Variants in FAM107A observed in about 807,000 individuals in gnomAD.
FAM107A encodes family with sequence similarity 107 member A.
FAM107A carries 19 observed loss-of-function variants against 13.7 expected under a neutral mutation model. The observed-to-expected ratio is 1.38, with a 90% CI of 0.97 to 2.03. The LOEUF is 2.03. FAM107A is among the 30% of genes most tolerant of loss of function. The probability of loss-of-function intolerance (pLI) is 0.00; values close to 1 mark genes in which losing one functional copy is unlikely to be tolerated. For synonymous variants in FAM107A, 82 were observed against 74.5 expected, an observed-to-expected ratio of 1.10 and a Z score of -0.52; for missense variants, 203 against 184.4, an observed-to-expected ratio of 1.10 and a Z score of -0.58.
intron 1 of FAM107A, among the ~76,000 whole-genome samples, chr3:58,610,070 T>C (rs186567587): frequency 6.6e-6 from 1 of 152,264 alleles, no homozygotes; most frequent in African/African-American, 2.4e-5. Context: ...TGATTTGTAA[T>C]GGACCTGAGG....
intron 1 of FAM107A, among the ~76,000 whole-genome samples, chr3:58,626,073 G>T (rs781143056): frequency 3.9e-5 from 6 of 152,174 alleles, no homozygotes; most frequent in East Asian, 1.9e-4. Context: ...TCATCGCCAC[G>T]GTAGGTGGGT....
rs1376529186 is a variant in FAM107A at position 58,577,345 on chromosome 3, C to G, written c.-42G>C. ...AGTCCTTGGGAAGGGAAGTCAGGAGCGTGTTGCTGGGTTCCTCACTCCACC... is the reference window on the plus strand; with the variant it reads ...AGTCCTTGGGAAGGGAAGTCAGGAGGGTGTTGCTGGGTTCCTCACTCCACC... On this transcript the variant is annotated 5_prime_UTR_variant, in exon 1 of 4. Transcript: ENST00000360997. This position sits in a 1 kb window ranked among gnomAD's most constrained non-coding sequence, Gnocchi z 4.9. The G allele has an allele frequency of 3.0e-6, 3 of 985,380 alleles. No homozygotes were observed. Among genetic ancestry groups the G allele is most frequent in the Non-Finnish European group, 3.6e-6 (3 of 829,924 alleles). The allele number at this position is 985,380 out of a possible 1,614,324, so 61.0% of individuals were successfully genotyped here.
chr3:58,606,723 G>A (rs1035791277), intron 1 of FAM107A, among the ~76,000 whole-genome samples: 2 of 152,336 alleles, frequency 1.3e-5, no homozygotes, highest in Middle Eastern at 3.4e-3. Flanking sequence ...GGACCACAGA[G>A]TACAGGCTAA....
upstream of FAM107A, among the ~76,000 whole-genome samples, chr3:58,590,408 T>C (rs142231322): frequency 2.2e-4 from 34 of 152,370 alleles, no homozygotes; most frequent in East Asian, 6.0e-3. Context: ...CAGGCCTCCA[T>C]GCCACCACCT....
At chr3:58,609,554 G>A (rs2065833351) in intron 1 of FAM107A, among the ~76,000 whole-genome samples, 1 of 152,202 alleles carries the variant, frequency 6.6e-6, no homozygotes, top group Non-Finnish European at 1.5e-5. Context: ...ATCACTTACA[G>A]TCAACAAATA....
At chr3:58,584,228 T>G (rs537791187) in intron 1 of FAM107A, among the ~76,000 whole-genome samples, 1 of 152,214 alleles carries the variant, frequency 6.6e-6, no homozygotes, top group Non-Finnish European at 1.5e-5. Flanking sequence ...GGTTTCCTCA[T>G]GTTTCCAATA....
At chr3:58,619,985 T>A (rs7616507) in intron 1 of FAM107A, among the ~76,000 whole-genome samples, 2 of 151,974 alleles carry the variant, frequency 1.3e-5, no homozygotes, top group East Asian at 1.9e-4. Flanking sequence ...CTATGTCCCT[T>A]CCCCCCAGCC....
At chr3:58,575,998 A>G (rs1330388758) in intron 1 of FAM107A, among the ~76,000 whole-genome samples, 1 of 152,270 alleles carries the variant, frequency 6.6e-6, no homozygotes, top group Non-Finnish European at 1.5e-5. Flanking sequence ...GGCTTTCAAA[A>G]TAACGACTGG....
Position 58,612,382 on chromosome 3 carries a change from C to T in FAM107A, c.-70+15034G>A, listed in dbSNP as rs1420542337. Among the ~76,000 whole-genome samples, 9 of 152,098 alleles carry T rather than the reference C, an allele frequency of 5.9e-5. No homozygotes were observed. The South Asian group carries it at 1.2e-3, about 21-fold the overall frequency. ...ATCACTTGTGCTCAGGAGTTGGAGA[C>T]GAGCCTAGGCAACATCGTGATAACT... is the stretch of plus-strand genomic sequence containing the variant. On this transcript the variant is annotated intron_variant, in intron 1 of 3. Transcript: ENST00000465970.
In FAM107A at chr3:58,617,607, C is replaced by T. The variant is rs1012794370; in HGVS notation, c.-70+9809G>A. Among the ~76,000 whole-genome samples the T allele has an allele frequency of 2.0e-5, 3 of 152,168 alleles. No individual in the cohort carries two copies. Among genetic ancestry groups the T allele is most frequent in the Admixed American group, 6.6e-5 (1 of 15,266 alleles). On this transcript the variant is annotated intron_variant, in intron 1 of 3. Transcript: ENST00000465970. This position sits in a 1 kb window ranked among gnomAD's most constrained non-coding sequence, Gnocchi z 4.5. The stretch of plus-strand genomic sequence containing the variant: ...TTGGGAGACACAGTGTTCTGAAAGC[C>T]GATCCCTGGGGCCCAGGGAGGGAGC...
intron 1 of FAM107A, chr3:58,627,277 C>G: frequency 2.2e-6 from 1 of 456,296 alleles, no homozygotes; most frequent in Non-Finnish European, 3.9e-6. Context: ...CTCCCAGAAC[C>G]CTGCCTCTCT....
chr3:58,603,668 G>T, intron 1 of FAM107A, among the ~76,000 whole-genome samples: 1 of 152,098 alleles, frequency 6.6e-6, no homozygotes, highest in Non-Finnish European at 1.5e-5. Context: ...ATTGGCTATA[G>T]GACAATGGGA....
rs143004191 is a variant in FAM107A, at chr3:58,622,902, A to G, written c.-70+4514T>C. Among the ~76,000 whole-genome samples, 226 of 152,266 alleles carry G rather than the reference A, an allele frequency of 1.5e-3. 1 individual carries two copies. Among genetic ancestry groups the G allele is most frequent in the Middle Eastern group, 0.01 (3 of 294 alleles). ...TTGGGAACCCAGCTGTGGAGTCCCAATGGCACCCAGAAGTGAGGTGCAAGG... is the reference window on the plus strand; with the variant it reads ...TTGGGAACCCAGCTGTGGAGTCCCAGTGGCACCCAGAAGTGAGGTGCAAGG... On this transcript the variant is annotated intron_variant, in intron 1 of 3. Coordinates refer to the FAM107A transcript ENST00000465970.
intron 1 of FAM107A, among the ~76,000 whole-genome samples, chr3:58,594,129 C>T (rs2065678855): frequency 6.6e-6 from 1 of 152,208 alleles, no homozygotes; most frequent in Non-Finnish European, 1.5e-5. Flanking sequence ...CAACTATGGA[C>T]ATTACCAAAA....
rs551017159 is a variant in FAM107A, at chr3:58,600,827, G to A, written c.-69-11558C>T. ...GCAAAGAGAACAGAGCTGCCACCAG[G>A]TGGGAAGCCTCCAGCCCACCACAAG... is the stretch of plus-strand genomic sequence containing the variant. On this transcript the variant is annotated intron_variant, in intron 1 of 3. Coordinates refer to the FAM107A transcript ENST00000465970. Among the ~76,000 whole-genome samples, 87 of 152,238 alleles carry A rather than the reference G, an allele frequency of 5.7e-4. 1 individual carries two copies. The highest frequency in any genetic ancestry group is 1.1e-3 in the Non-Finnish European group (73 of 68,010).
chr3:58,589,743 G>T (rs557526130), upstream of FAM107A, among the ~76,000 whole-genome samples: 7 of 152,268 alleles, frequency 4.6e-5, no homozygotes, highest in Non-Finnish European at 1.0e-4. Context: ...TCCCTTTTCT[G>T]TTCCAGGATC....
chr3:58,587,892 C>T (rs556677638), upstream of FAM107A, among the ~76,000 whole-genome samples: 30 of 152,252 alleles, frequency 2.0e-4, no homozygotes, highest in African/African-American at 6.7e-4. Context: ...CTTCATAATC[C>T]TATGAAGCAG....
upstream of FAM107A, chr3:58,587,134 G>A (rs2108062516): frequency 7.4e-7 from 1 of 1,354,410 alleles, no homozygotes; most frequent in Non-Finnish European, 9.4e-7. Flanking sequence ...AGGGGCCAGG[G>A]CAGGTGTCCG....
chr3:58,571,063 T>G (rs980149606), intron 1 of FAM107A, among the ~76,000 whole-genome samples: 1 of 152,202 alleles, frequency 6.6e-6, no homozygotes, highest in African/African-American at 2.4e-5. Context: ...CCAAATGCAG[T>G]TTCATGGATG....
Sources: gnomAD v4.1 joint callset for allele counts (sites outside exome capture counted in the v4.1 genomes callset) on GRCh38, gnomAD v4.1.1 for gene constraint, Gnocchi (gnomAD v3.1) non-coding constraint, MANE v1.5 for transcripts, NCBI Gene and HGNC (gene_info 2026-07-23, HGNC 2026-07-21) for gene names.